KAZN: variants seen among roughly 807,000 people sequenced by gnomAD.
KAZN encodes the protein kazrin, periplakin interacting protein.
A neutral mutation model predicts 87.4 loss-of-function variants in KAZN; 40 were observed. That is an observed-to-expected ratio of 0.46 (90% CI 0.36 to 0.60). KAZN has a LOEUF of 0.60. KAZN is among the 20% of genes least tolerant of loss of function. The pLI, the probability that KAZN is intolerant of heterozygous loss-of-function variation, is 0.00. For missense variants in KAZN, 898 were observed against 1,073.9 expected (o/e 0.84, Z 2.29); for synonymous variants, 466 against 458.3 (o/e 1.02, Z -0.22).
At position 14,497,966 on chromosome 1, in the gene KAZN, A is replaced by G. The variant is rs190995227; in HGVS notation, c.250-101017A>G. On this transcript the variant is annotated intron_variant, in intron 2 of 16. Coordinates refer to the KAZN transcript ENST00000636203. ...AATGACTTCCTATGCCTTCTGGTTA[A>G]AACTCAAGCTTTGCAGCCTGGCACC... 4.1e-3 allele frequency among the ~76,000 whole-genome samples: 626 copies of G among 152,332 alleles called. 9 individuals are homozygous for G. The highest frequency in any genetic ancestry group is 0.014 in the African/African-American group (565 of 41,582).
chr1:14,925,225 A>G (rs1659041706), intron 1 of KAZN, among the ~76,000 whole-genome samples: 1 of 152,068 alleles, frequency 6.6e-6, no homozygotes, highest in Non-Finnish European at 1.5e-5. Flanking sequence ...GGCCTGCGCT[A>G]TCTCCCTTCC....
chr1:14,133,555 T>G lies in KAZN; in HGVS notation c.92-46880T>G, dbSNP rs1453546866. 2.0e-5 allele frequency among the ~76,000 whole-genome samples: 3 copies of G among 152,100 alleles called. No homozygotes were observed. The East Asian group carries it at 5.8e-4, about 29-fold the overall frequency. ...GCTGACTTGGCTTGCCCAGTGTCTT[T>G]TCTTCTGGTAACAGAATCCTGAATG... On this transcript the variant is annotated intron_variant, in intron 1 of 16. Transcript: ENST00000636203.
chr1:14,203,709 G>A (rs606163), intron 2 of KAZN, among the ~76,000 whole-genome samples: 70,465 of 152,086 alleles, frequency 0.46, 17,612 homozygotes, highest in Non-Finnish European at 0.56. Context: ...CTCAATGTGC[G>A]CTAAAGTAAT....
rs552493167 is a variant in KAZN at position 14,600,599 on chromosome 1, T to C, written c.226+1376T>C. Among the ~76,000 whole-genome samples the C allele has an allele frequency of 2.0e-5, 3 of 150,018 alleles. No individual in the cohort carries two copies. The South Asian group carries it at 6.3e-4, about 32-fold the overall frequency. On this transcript the variant is annotated intron_variant, in intron 1 of 14. Transcript: ENST00000376030. ...CCTAGTGCTTGCTGCAAGCTTGACA[T>C]GTGGTTATTCTTGTCATCCTTGCAA...
At chr1:14,545,375 A>G (rs1673075845) in intron 2 of KAZN, among the ~76,000 whole-genome samples, 1 of 152,198 alleles carries the variant, frequency 6.6e-6, no homozygotes, top group African/African-American at 2.4e-5. Context: ...TGTGGTTTTA[A>G]TTGCAAGCTC....
At chr1:14,887,624 C>T (rs1345066021) in intron 1 of KAZN, among the ~76,000 whole-genome samples, 3 of 151,756 alleles carry the variant, frequency 2.0e-5, no homozygotes, top group Non-Finnish European at 4.4e-5. Flanking sequence ...CCAAGACTAC[C>T]ACGAGGAGCC....
intron 2 of KAZN, among the ~76,000 whole-genome samples, chr1:14,443,314 G>T (rs74059510): frequency 6.6e-6 from 1 of 152,328 alleles, no homozygotes; most frequent in African/African-American, 2.4e-5. Flanking sequence ...CTGCCAGAGG[G>T]GCCACTGGAT....
chr1:14,875,505 GA>G (rs919466746), intron 1 of KAZN, among the ~76,000 whole-genome samples: 10 of 145,618 alleles, frequency 6.9e-5, no homozygotes, highest in East Asian at 2.0e-4. Context: ...AAAGAAAAAA[GA>G]AAAAAAAACT....
rs1421621626 is a variant in KAZN, at chr1:15,034,835, C to T, written c.505C>T (p.Arg169Cys). ...MQQLYATLES[R>C]EEQLRDFIRN... ...GCAGCTGTATGCCACACTGGAGAGC[C>T]GCGAGGAGCAGCTCCGAGACTTCAT... is the stretch of plus-strand genomic sequence containing the variant. Residue 169 changes from arginine (R) to cysteine (C), a missense_variant, in exon 3 of 15, where the codon CGC becomes TGC. By Grantham distance (180) the Arg-to-Cys change is radical (BLOSUM62 -3). Around this residue, in one of 3 missense-constraint regions of KAZN, gnomAD observed 250 missense variants for 263.0 expected, o/e 0.95. Coordinates refer to ENST00000376030, the MANE Select transcript of KAZN (RefSeq NM_201628.3). 19 of 1,613,886 alleles carry T rather than the reference C, an allele frequency of 1.2e-5. No individual in the cohort carries two copies. Among genetic ancestry groups the T allele is most frequent in the Admixed American group, 1.7e-5 (1 of 59,988 alleles).
intron 1 of KAZN, among the ~76,000 whole-genome samples, chr1:14,685,399 G>A (rs2148771240): frequency 6.6e-6 from 1 of 152,332 alleles, no homozygotes; most frequent in East Asian, 1.9e-4. Context: ...AGCTCCAGCA[G>A]GAGGGGAAGG....
At chr1:14,310,441 A>G (rs934785041) in intron 2 of KAZN, among the ~76,000 whole-genome samples, 1 of 152,186 alleles carries the variant, frequency 6.6e-6, no homozygotes, top group Non-Finnish European at 1.5e-5. Context: ...CTTGTACTCA[A>G]TGACTTAAAG....
intron 2 of KAZN, among the ~76,000 whole-genome samples, chr1:15,001,981 C>T (rs569860822): frequency 0.014 from 2,043 of 149,514 alleles, 31 homozygotes; most frequent in Non-Finnish European, 0.02. Flanking sequence ...CCTGGGTTCA[C>T]GCCATTCTCC....
intron 2 of KAZN, among the ~76,000 whole-genome samples, chr1:15,008,819 C>T (rs1414324079): frequency 1.3e-5 from 2 of 152,130 alleles, no homozygotes; most frequent in African/African-American, 4.8e-5. Flanking sequence ...ATAAGAGGAG[C>T]GGCAAGGCTG....
Position 14,070,048 on chromosome 1 carries a change from A to T in KAZN, c.92-110387A>T, listed in dbSNP as rs555531744. ...TCCCAGCGTGGTGGTGTGTGCCTGT[A>T]GTCCCAGCTACTCGGGAGGCTAAGG... On this transcript the variant is annotated intron_variant, in intron 1 of 16. Coordinates refer to the KAZN transcript ENST00000636203. Among the ~76,000 whole-genome samples, 3 of 152,130 alleles carry T rather than the reference A, an allele frequency of 2.0e-5. No individual in the cohort carries two copies. The South Asian group carries it at 6.2e-4, about 32-fold the overall frequency.
chr1:14,257,975 G>GAAA (rs201805345), intron 2 of KAZN, among the ~76,000 whole-genome samples: 2 of 87,966 alleles, frequency 2.3e-5, no homozygotes, highest in East Asian at 3.6e-4. Flanking sequence ...AAAAAAAAGA[G>GAAA]AAAAAAAAAA....
At chr1:15,110,529 TTG>T (rs1284164804) in intron 13 of KAZN, among the ~76,000 whole-genome samples, 2 of 131,230 alleles carry the variant, frequency 1.5e-5, no homozygotes, top group African/African-American at 6.0e-5. Flanking sequence ...GTGTATGTGT[TTG>T]TGTGTGTGCA....
chr1:14,048,169 G>A (rs1642158300), intron 1 of KAZN, among the ~76,000 whole-genome samples: 2 of 152,238 alleles, frequency 1.3e-5, no homozygotes, highest in South Asian at 4.1e-4. Context: ...GAATTAAATG[G>A]CATCATATTT....
At chr1:14,917,849 T>C (rs28509779) in intron 1 of KAZN, among the ~76,000 whole-genome samples, 15 of 148,674 alleles carry the variant, frequency 1.0e-4, no homozygotes, top group South Asian at 8.7e-4. Context: ...CTTCTTTCTT[T>C]CTTCCTTCCT....
At chr1:14,447,208 CATTATTATT>C (rs55650123) in intron 2 of KAZN, among the ~76,000 whole-genome samples, 2,398 of 131,160 alleles carry the variant, frequency 0.018, 56 homozygotes, top group African/African-American at 0.052. Flanking sequence ...GTTTCCACCA[CATTATTATT>C]ATTATTATTA....
Sources: gnomAD v4.1 joint callset for allele counts (sites outside exome capture counted in the v4.1 genomes callset) on GRCh38, gnomAD v4.1.1 for gene constraint, gnomAD v4.1.1 regional missense constraint, MANE v1.5 for transcripts, NCBI Gene and HGNC (gene_info 2026-07-23, HGNC 2026-07-21) for gene names.